CEP63: variants seen among roughly 807,000 people sequenced by gnomAD.
CEP63 encodes centrosomal protein of 63 kDa.
Under a neutral mutation model 89.1 loss-of-function variants are expected in CEP63, and 84 were observed. The observed-to-expected ratio is 0.94, with a 90% CI of 0.79 to 1.13. CEP63 has a LOEUF of 1.13. Ranked by LOEUF, CEP63 falls within the 50% of genes most tolerant of loss-of-function variation. CEP63 has a pLI of 0.00. For missense variants in CEP63, 838 were observed against 813.3 expected (o/e 1.03, Z -0.37); for synonymous variants, 267 against 272.5 (o/e 0.98, Z 0.20).
intron 1 of CEP63, among the ~76,000 whole-genome samples, chr3:134,494,468 TAG>T (rs1309131462): frequency 1.3e-5 from 2 of 152,096 alleles, no homozygotes. Flanking sequence ...CTTTCTCTGC[TAG>T]ACCCTTCATG....
chr3:134,651,266 C>T, the CEP63 span: 1 of 1,201,968 alleles, frequency 8.3e-7, no homozygotes, highest in Admixed American at 3.9e-5. Context: ...CCAGAGCCTC[C>T]CTCCCTGCGC....
chr3:134,706,287 T>A, the CEP63 span, among the ~76,000 whole-genome samples: 2 of 152,196 alleles, frequency 1.3e-5, no homozygotes, highest in Non-Finnish European at 2.9e-5. Context: ...TCTTGGTCGA[T>A]CTGTAGGCTT....
chr3:134,546,407 G>A, intron 8 of CEP63, 119 bp downstream of exon 8: 5 of 912,146 alleles, frequency 5.5e-6, no homozygotes, highest in Non-Finnish European at 8.1e-6. Flanking sequence ...TGCCCAGACT[G>A]GAGTGCAGTG....
chr3:134,671,376 A>G, the CEP63 span, among the ~76,000 whole-genome samples: 1 of 152,214 alleles, frequency 6.6e-6, no homozygotes, highest in Non-Finnish European at 1.5e-5. Flanking sequence ...ATGATCACCT[A>G]TTGGGTACGA....
downstream of CEP63, among the ~76,000 whole-genome samples, chr3:134,565,929 T>C (rs956862365): frequency 1.3e-5 from 2 of 152,158 alleles, no homozygotes; most frequent in Non-Finnish European, 2.9e-5. Flanking sequence ...CACAGTATGC[T>C]TCACTGTGGG....
At chr3:134,565,237 T>C (rs1332419682), downstream of CEP63, among the ~76,000 whole-genome samples, 1 of 152,208 alleles carries the variant, frequency 6.6e-6, no homozygotes, top group Non-Finnish European at 1.5e-5. Context: ...GAGGGCAAAG[T>C]TGACTTCCCA....
the CEP63 span, among the ~76,000 whole-genome samples, chr3:134,732,562 T>C: frequency 6.6e-6 from 1 of 152,092 alleles, no homozygotes; most frequent in Non-Finnish European, 1.5e-5. Context: ...ATGAAATTTT[T>C]TTTAAAAACT....
the CEP63 span, among the ~76,000 whole-genome samples, chr3:134,676,131 C>T: frequency 3.3e-5 from 5 of 152,120 alleles, no homozygotes; most frequent in Admixed American, 6.5e-5. Context: ...AAAATGTATA[C>T]GTAAATAGCA....
At chr3:134,705,008 T>A in the CEP63 span, among the ~76,000 whole-genome samples, 1 of 152,216 alleles carries the variant, frequency 6.6e-6, no homozygotes, top group Non-Finnish European at 1.5e-5. Flanking sequence ...TCTACCTTCC[T>A]TTTTATATAG....
the CEP63 span, among the ~76,000 whole-genome samples, chr3:134,688,064 A>G: frequency 6.6e-6 from 1 of 152,258 alleles, no homozygotes; most frequent in African/African-American, 2.4e-5. Context: ...ACTTCTGTGT[A>G]TCTATCCAAG....
chr3:134,714,375 G>A, the CEP63 span, among the ~76,000 whole-genome samples: 6 of 152,206 alleles, frequency 3.9e-5, no homozygotes, highest in African/African-American at 1.4e-4. Context: ...GGAATATACT[G>A]AGCCCTCATG....
the CEP63 span, among the ~76,000 whole-genome samples, chr3:134,611,799 C>T: frequency 6.6e-6 from 1 of 152,312 alleles, no homozygotes; most frequent in East Asian, 1.9e-4. Context: ...CTCAGTTGCT[C>T]TAAACAAGAG....
chr3:134,523,124 G>T (rs1456057938), intron 3 of CEP63, among the ~76,000 whole-genome samples: 1 of 152,036 alleles, frequency 6.6e-6, no homozygotes, highest in Non-Finnish European at 1.5e-5. Context: ...TTTCATTGTG[G>T]TTTTGATTTG....
At chr3:134,636,461 A>T in the CEP63 span, among the ~76,000 whole-genome samples, 5 of 152,242 alleles carry the variant, frequency 3.3e-5, no homozygotes, top group African/African-American at 1.2e-4. Context: ...TGAGGCTTCC[A>T]TTCTCATTCT....
At chr3:134,578,194 A>G (rs1165533527), downstream of CEP63, among the ~76,000 whole-genome samples, 1 of 152,194 alleles carries the variant, frequency 6.6e-6, no homozygotes, top group Non-Finnish European at 1.5e-5. Context: ...AGGAATCACC[A>G]TGCTATCTTC....
At chr3:134,518,479 A>G (rs2108694178) in intron 3 of CEP63, among the ~76,000 whole-genome samples, 1 of 152,338 alleles carries the variant, frequency 6.6e-6, no homozygotes, top group South Asian at 2.1e-4. Flanking sequence ...CAGAACAATG[A>G]AAGACATCCA....
At chr3:134,619,083 T>G in the CEP63 span, 1 of 1,334,070 alleles carries the variant, frequency 7.5e-7, no homozygotes, top group Non-Finnish European at 1.1e-6. Context: ...CAAAGGCACA[T>G]GGCACTGTGG....
intron 3 of CEP63, among the ~76,000 whole-genome samples, chr3:134,522,036 T>G (rs1047295720): frequency 2.1e-4 from 32 of 152,298 alleles, no homozygotes; most frequent in African/African-American, 7.5e-4. Context: ...TTAGTCTCTT[T>G]TCTTTGTATT....
the CEP63 span, among the ~76,000 whole-genome samples, chr3:134,668,607 G>C: frequency 2.0e-5 from 3 of 152,200 alleles, no homozygotes; most frequent in South Asian, 4.2e-4. Flanking sequence ...GCTGCTTTTA[G>C]CAAAGCAGAT....
Sources: allele counts gnomAD v4.1 joint callset (sites outside exome capture counted in the v4.1 genomes callset), GRCh38; gene constraint gnomAD v4.1.1; transcripts MANE v1.5; gene names NCBI Gene and HGNC (gene_info 2026-07-23, HGNC 2026-07-21).